Variants in SOBP observed in about 807,000 individuals in gnomAD.
SOBP encodes the protein sine oculis binding protein homolog.
In SOBP, 4 loss-of-function variants were observed where a neutral mutation model predicts 53.6. The ratio of observed to expected loss-of-function variants is 0.07; its 90% confidence interval spans 0.04 to 0.17. The LOEUF is 0.17. SOBP is among the 10% of genes least tolerant of loss of function. The pLI is 1.00. For missense variants in SOBP, 1,088 were observed against 1,204.7 expected, an observed-to-expected ratio of 0.90 and a Z score of 1.43; for synonymous variants, 584 against 522.6, an observed-to-expected ratio of 1.12 and a Z score of -1.60.
chr6:107,612,279 A>C (rs1380276870), intron 5 of SOBP, among the ~76,000 whole-genome samples: 1 of 152,202 alleles, frequency 6.6e-6, no homozygotes, highest in African/African-American at 2.4e-5. Context: ...CAGAACTGAT[A>C]GCTTCAGGTC....
chr6:107,534,937 G>A (rs1288744314), intron 4 of SOBP, among the ~76,000 whole-genome samples: 2 of 152,176 alleles, frequency 1.3e-5, no homozygotes, highest in East Asian at 1.9e-4. Flanking sequence ...CGGGGCTCCC[G>A]TTTTGAATGC....
chr6:107,509,610 A>G (rs569448813), intron 3 of SOBP, among the ~76,000 whole-genome samples: 14 of 152,288 alleles, frequency 9.2e-5, no homozygotes, highest in African/African-American at 2.6e-4. Context: ...GCTGAGGCTA[A>G]CATAAGTTTG....
At chr6:107,569,104 C>T (rs1189446938) in intron 4 of SOBP, among the ~76,000 whole-genome samples, 1 of 152,124 alleles carries the variant, frequency 6.6e-6, no homozygotes, top group Non-Finnish European at 1.5e-5. Flanking sequence ...CAATCCACCA[C>T]TTTACCCCTT....
At chr6:107,568,908 A>C (rs1784992850) in intron 4 of SOBP, among the ~76,000 whole-genome samples, 1 of 151,996 alleles carries the variant, frequency 6.6e-6, no homozygotes, top group Non-Finnish European at 1.5e-5. Context: ...CAATCTTTAC[A>C]CTCCCACACT....
rs1210194608 is a variant in SOBP at position 107,576,296 on chromosome 6, A to G, written c.574-10784A>G. ...TCATTTATGTGGCTAGCGCACAGTA[A>G]AAGTCAGGATTCTGTCCTCGTCCTA... is the stretch of plus-strand genomic sequence containing the variant. On this transcript the variant is annotated intron_variant, in intron 4 of 6. Transcript: ENST00000317357. 2.0e-5 allele frequency among the ~76,000 whole-genome samples: 3 copies of G among 152,220 alleles called. No homozygotes were observed. In the East Asian group the frequency reaches 5.8e-4, roughly 29 times the overall value.
chr6:107,652,354 G>A (rs908909507), intron 6 of SOBP, among the ~76,000 whole-genome samples: 28 of 152,336 alleles, frequency 1.8e-4, no homozygotes, highest in Non-Finnish European at 4.4e-5. Flanking sequence ...GTTCAGTGGA[G>A]GAAGTAGCTG....
At chr6:107,509,395 C>CAA (rs1209752245) in intron 3 of SOBP, among the ~76,000 whole-genome samples, 186 of 65,526 alleles carry the variant, frequency 2.8e-3, no homozygotes, top group African/African-American at 9.6e-3. Flanking sequence ...ACTCCTGTCT[C>CAA]AAAAAAAAAA....
chr6:107,632,758 G>A (rs1770772421), intron 5 of SOBP, among the ~76,000 whole-genome samples: 1 of 152,148 alleles, frequency 6.6e-6, no homozygotes, highest in African/African-American at 2.4e-5. Context: ...GAGTAGATTT[G>A]AAGGGGGGAA....
intron 5 of SOBP, among the ~76,000 whole-genome samples, chr6:107,620,240 G>A (rs879514759): frequency 1.3e-5 from 2 of 152,162 alleles, no homozygotes; most frequent in Non-Finnish European, 2.9e-5. Context: ...CCTGCAGTTT[G>A]GCTTCTACTC....
chr6:107,619,484 T>G (rs566759511), intron 5 of SOBP, among the ~76,000 whole-genome samples: 1 of 152,134 alleles, frequency 6.6e-6, no homozygotes, highest in African/African-American at 2.4e-5. Flanking sequence ...TTCCCAAGCT[T>G]ATTGGGCCAT....
intron 5 of SOBP, among the ~76,000 whole-genome samples, chr6:107,617,160 G>A (rs2115112559): frequency 6.6e-6 from 1 of 152,304 alleles, no homozygotes; most frequent in East Asian, 1.9e-4. Context: ...TGTGTGCGCT[G>A]GCTTTTGAAT....
rs1456568676 is a variant in SOBP at position 107,660,088 on chromosome 6, G to A, written c.*1885G>A. The A allele has an allele frequency of 6.6e-6, 1 of 152,524 alleles. No homozygotes were observed. The highest frequency in any genetic ancestry group is 6.5e-5 in the Admixed American group (1 of 15,282). The allele number at this position is 152,524 out of a possible 1,614,324, so 9.4% of individuals were successfully genotyped here. A position where few individuals can be genotyped will look rare whatever the true frequency, so the allele number is the denominator to read the frequency against. ...TGGGTCACAACATTCTCCTCTCCCT[G>A]ACTGGTGTCAGATTCATCAAACAAA... On this transcript the variant is annotated 3_prime_UTR_variant, in exon 7 of 7. Coordinates refer to ENST00000317357, the MANE Select transcript of SOBP (RefSeq NM_018013.4).
intron 5 of SOBP, among the ~76,000 whole-genome samples, chr6:107,591,776 T>G (rs952682147): frequency 2.0e-5 from 3 of 152,076 alleles, no homozygotes; most frequent in Non-Finnish European, 4.4e-5. Flanking sequence ...TTATGGAAAA[T>G]TTCTAAGTAT....
chr6:107,541,000 A>G (rs1424273528), intron 4 of SOBP, among the ~76,000 whole-genome samples: 1 of 152,230 alleles, frequency 6.6e-6, no homozygotes, highest in Non-Finnish European at 1.5e-5. Context: ...TTGTTCTAAC[A>G]GGTAGTGTCT....
chr6:107,637,122 G>A (rs846955), intron 6 of SOBP, among the ~76,000 whole-genome samples: 104,806 of 152,068 alleles, frequency 0.69, 38,234 homozygotes, highest in Non-Finnish European at 0.83. Context: ...AACAAAAACT[G>A]AGTCTACCTC....
At chr6:107,614,307 G>A (rs1786701973) in intron 5 of SOBP, among the ~76,000 whole-genome samples, 1 of 152,196 alleles carries the variant, frequency 6.6e-6, no homozygotes, top group South Asian at 2.1e-4. Context: ...GCTGCAGCAG[G>A]AGGATCCCTT....
At chr6:107,619,714 T>C (rs1255520469) in intron 5 of SOBP, among the ~76,000 whole-genome samples, 1 of 152,150 alleles carries the variant, frequency 6.6e-6, no homozygotes, top group Non-Finnish European at 1.5e-5. Context: ...TGCAGGCTTC[T>C]ATAAGAGGCA....
chr6:107,649,992 A>G lies in SOBP; in HGVS notation c.*4-8215A>G, dbSNP rs370016851. Reference sequence around the variant, plus strand: ...CCCATAGAACCAGCAAAGGAAAACAACATTTTCATTTGTAAAATGAAGACT... The same window carrying G: ...CCCATAGAACCAGCAAAGGAAAACAGCATTTTCATTTGTAAAATGAAGACT... On this transcript the variant is annotated intron_variant, in intron 6 of 6. Coordinates refer to ENST00000317357, the MANE Select transcript of SOBP (RefSeq NM_018013.4). Among the ~76,000 whole-genome samples the G allele has an allele frequency of 4.6e-5, 7 of 152,358 alleles. No individual in the cohort carries two copies. In the East Asian group the frequency reaches 9.6e-4, roughly 21 times the overall value.
At chr6:107,505,193 A>G (rs535905039) in intron 2 of SOBP, among the ~76,000 whole-genome samples, 136 of 152,332 alleles carry the variant, frequency 8.9e-4, no homozygotes, top group Admixed American at 1.4e-3. Flanking sequence ...ACAAGTTTAT[A>G]ATACAGTGGG....
Sources: gnomAD v4.1 joint callset for allele counts (sites outside exome capture counted in the v4.1 genomes callset) on GRCh38, gnomAD v4.1.1 for gene constraint, MANE v1.5 for transcripts, NCBI Gene and HGNC (gene_info 2026-07-23, HGNC 2026-07-21) for gene names.